Variants in HYAL4 observed in about 807,000 individuals in gnomAD.
HYAL4 encodes the protein hyaluronidase-4.
A neutral mutation model predicts 35.2 loss-of-function variants in HYAL4; 37 were observed. The ratio of observed to expected loss-of-function variants is 1.05; its 90% CI spans 0.81 to 1.38. HYAL4 has a LOEUF of 1.38. HYAL4 is among the 40% of genes most tolerant of loss of function. The probability of loss-of-function intolerance (pLI) is 0.00; values close to 1 mark genes in which losing one functional copy is unlikely to be tolerated. For missense variants in HYAL4, 572 were observed against 572.4 expected, an observed-to-expected ratio of 1.00 and a Z score of 0.01; for synonymous variants, 198 against 203.2, an observed-to-expected ratio of 0.97 and a Z score of 0.22.
At chr7:123,766,511 C>T in the HYAL4 span, among the ~76,000 whole-genome samples, 1 of 151,876 alleles carries the variant, frequency 6.6e-6, no homozygotes, top group African/African-American at 2.4e-5. Context: ...CATGGTTGTG[C>T]CATATTAACT....
At chr7:123,847,732 T>C (rs1326689473) in intron 1 of HYAL4, among the ~76,000 whole-genome samples, 1 of 152,110 alleles carries the variant, frequency 6.6e-6, no homozygotes, top group African/African-American at 2.4e-5. Flanking sequence ...GAGCTGAGAT[T>C]GTTCCACTCC....
chr7:123,827,617 A>G (rs867776300), upstream of HYAL4, among the ~76,000 whole-genome samples: 3 of 152,274 alleles, frequency 2.0e-5, no homozygotes, highest in South Asian at 6.2e-4. Flanking sequence ...ACTGCCTCCG[A>G]TTGAATGTGC....
chr7:123,822,321 A>G, the HYAL4 span, among the ~76,000 whole-genome samples: 1 of 152,030 alleles, frequency 6.6e-6, no homozygotes, highest in Non-Finnish European at 1.5e-5. Flanking sequence ...ACCTTTTATC[A>G]ATATTATGTA....
the HYAL4 span, among the ~76,000 whole-genome samples, chr7:123,766,424 T>C: frequency 1.4e-4 from 21 of 152,242 alleles, no homozygotes; most frequent in Admixed American, 7.2e-4. Context: ...GAGTTTTCAA[T>C]GTAAATGCTC....
At chr7:123,800,900 A>G in the HYAL4 span, among the ~76,000 whole-genome samples, 1 of 151,792 alleles carries the variant, frequency 6.6e-6, no homozygotes, top group East Asian at 1.9e-4. Flanking sequence ...ACCTCAGGAG[A>G]GCCACCTGCC....
chr7:123,876,021 TC>T (rs1563006760), intron 4 of HYAL4: 1 of 456,660 alleles, frequency 2.2e-6, no homozygotes, highest in South Asian at 1.5e-5. Context: ...TTCCTGACTT[TC>T]CAGGTGTGAT....
intron 1 of HYAL4, among the ~76,000 whole-genome samples, chr7:123,846,527 G>A (rs527938614): frequency 7.9e-5 from 12 of 152,170 alleles, no homozygotes; most frequent in African/African-American, 2.9e-4. Flanking sequence ...CTGTTTCCAA[G>A]CAGTGGGCAA....
At chr7:123,781,637 T>C in the HYAL4 span, among the ~76,000 whole-genome samples, 1 of 152,176 alleles carries the variant, frequency 6.6e-6, no homozygotes, top group African/African-American at 2.4e-5. Context: ...CTAGTCAGAA[T>C]TATGATGGGC....
At chr7:123,773,975 G>A in the HYAL4 span, among the ~76,000 whole-genome samples, 1 of 152,122 alleles carries the variant, frequency 6.6e-6, no homozygotes, top group African/African-American at 2.4e-5. Flanking sequence ...GGGGTCAAGG[G>A]TGAGTGAGAC....
chr7:123,845,538 G>A lies in HYAL4; in HGVS notation c.-269G>A, dbSNP rs1368867347. The A allele has an allele frequency of 6.6e-6, 1 of 151,744 alleles. No homozygotes were observed. Among genetic ancestry groups the A allele is most frequent in the African/African-American group, 2.4e-5 (1 of 41,326 alleles). 9.4% of individuals were successfully genotyped at this position (151,744 alleles called of 1,614,324 possible). On this transcript the variant is annotated 5_prime_UTR_variant, in exon 1 of 5. Coordinates refer to ENST00000223026, the MANE Select transcript of HYAL4 (RefSeq NM_012269.3). ...TGCCATCTATTTCACTGAAGATTCC[G>A]CCTCTCATTTCTTGAGTCATTTTTT...
At chr7:123,778,404 A>G in the HYAL4 span, among the ~76,000 whole-genome samples, 1 of 152,156 alleles carries the variant, frequency 6.6e-6, no homozygotes, top group African/African-American at 2.4e-5. Context: ...ACGGGGGTTC[A>G]ATTCAAGATC....
the HYAL4 span, among the ~76,000 whole-genome samples, chr7:123,800,670 G>A: frequency 1.3e-4 from 18 of 140,632 alleles, no homozygotes; most frequent in South Asian, 1.4e-3. Context: ...TTTTTGTTTT[G>A]TTTTTAGACG....
At chr7:123,796,821 T>A in the HYAL4 span, among the ~76,000 whole-genome samples, 1 of 152,214 alleles carries the variant, frequency 6.6e-6, no homozygotes, top group Non-Finnish European at 1.5e-5. Flanking sequence ...AAATATTATA[T>A]CAAGTGAAAG....
the HYAL4 span, among the ~76,000 whole-genome samples, chr7:123,812,320 T>C: frequency 6.6e-6 from 1 of 152,122 alleles, no homozygotes; most frequent in Non-Finnish European, 1.5e-5. Context: ...GATCTAGTTT[T>C]ATATTTTGAA....
At chr7:123,876,464 G>A (rs1807026395) in intron 4 of HYAL4, among the ~76,000 whole-genome samples, 1 of 152,008 alleles carries the variant, frequency 6.6e-6, no homozygotes, top group Admixed American at 6.5e-5. Context: ...AAGGTCTCAT[G>A]TGCTGATTCT....
upstream of HYAL4, among the ~76,000 whole-genome samples, chr7:123,842,321 T>C (rs1806087375): frequency 6.6e-6 from 1 of 152,074 alleles, no homozygotes; most frequent in South Asian, 2.1e-4. Flanking sequence ...GTGAGTTTCT[T>C]AATCCTGAGT....
At chr7:123,836,449 C>G (rs557409461) in intron 1 of HYAL4, among the ~76,000 whole-genome samples, 1 of 152,256 alleles carries the variant, frequency 6.6e-6, no homozygotes, top group Non-Finnish European at 1.5e-5. Flanking sequence ...TTCCACCCCT[C>G]TACCTTAAGT....
the HYAL4 span, among the ~76,000 whole-genome samples, chr7:123,815,760 A>C: frequency 6.6e-6 from 1 of 152,210 alleles, no homozygotes; most frequent in African/African-American, 2.4e-5. Flanking sequence ...GAAAATCCTC[A>C]AATCTCCATC....
upstream of HYAL4, chr7:123,845,100 C>G (rs1277643205): frequency 6.6e-6 from 1 of 151,994 alleles, no homozygotes; most frequent in African/African-American, 2.4e-5. Context: ...CACCCGTCTT[C>G]TGCGTCGATC....
Sources: gnomAD v4.1 joint callset for allele counts (sites outside exome capture counted in the v4.1 genomes callset) on GRCh38, gnomAD v4.1.1 for gene constraint, MANE v1.5 for transcripts, NCBI Gene and HGNC (gene_info 2026-07-23, HGNC 2026-07-21) for gene names.